The following ZNF573 variants were observed in gnomAD, a reference collection of about 807,000 sequenced individuals.
ZNF573 encodes the protein zinc finger protein 573.
Under a neutral mutation model 57.4 loss-of-function variants are expected in ZNF573, and 41 were observed. The ratio of observed to expected loss-of-function variants is 0.71; its 90% confidence interval spans 0.56 to 0.93. The LOEUF is 0.93. Among genes scored for constraint, ZNF573 ranks in the 40% least tolerant of loss-of-function variants. The pLI, the probability that ZNF573 is intolerant of heterozygous loss-of-function variation, is 0.00. For missense variants in ZNF573, 730 were observed against 794.8 expected (o/e 0.92, Z 0.98); for synonymous variants, 249 against 261.0 (o/e 0.95, Z 0.44).
At chr19:37,767,821 C>T (rs1276217571) in intron 4 of ZNF573, among the ~76,000 whole-genome samples, 1 of 151,902 alleles carries the variant, frequency 6.6e-6, no homozygotes, top group African/African-American at 2.4e-5. Context: ...GTTAAGAACA[C>T]AAAGAAAGAT....
chr19:37,772,175 C>T (rs1396128935), intron 2 of ZNF573, among the ~76,000 whole-genome samples: 1 of 152,060 alleles, frequency 6.6e-6, no homozygotes, highest in East Asian at 1.9e-4. Flanking sequence ...TCACTCCTGC[C>T]CAGGCTGGAG....
At chr19:37,766,314 T>A (rs2045601947) in intron 4 of ZNF573, among the ~76,000 whole-genome samples, 1 of 152,176 alleles carries the variant, frequency 6.6e-6, no homozygotes, top group African/African-American at 2.4e-5. Flanking sequence ...CACTCAGCCT[T>A]GAAACAGAGA....
At chr19:37,776,591 A>G (rs2145340134) in intron 1 of ZNF573, among the ~76,000 whole-genome samples, 2 of 152,344 alleles carry the variant, frequency 1.3e-5, no homozygotes, top group Middle Eastern at 3.4e-3. Flanking sequence ...GTTCATGACC[A>G]AGAACCCAAA....
At chr19:37,758,116 G>A (rs2045508156) in intron 4 of ZNF573, among the ~76,000 whole-genome samples, 2 of 148,586 alleles carry the variant, frequency 1.3e-5, no homozygotes, top group Non-Finnish European at 3.0e-5. Flanking sequence ...GAGTTAATGG[G>A]TGCAGCACAC....
chr19:37,762,441 A>T (rs962691034), intron 4 of ZNF573, among the ~76,000 whole-genome samples: 1 of 152,184 alleles, frequency 6.6e-6, no homozygotes, highest in African/African-American at 2.4e-5. Context: ...GCAAAGGGTT[A>T]ACAAAACATT....
At position 37,740,138 on chromosome 19, in the gene ZNF573, C is replaced by G. The variant is rs2045313176; in HGVS notation, c.352G>C (p.Asp118His). ...CTCTGAAGTTGTGTAGAGGATATAT[C>G]TGTTTCATAAGTGGGTACTTCTATG... Reference protein sequence around the residue: ...SYIEVPTYETDISSTQLQSIY... With the variant: ...SYIEVPTYETHISSTQLQSIY... The change falls in exon 5 of 5, where the codon GAT becomes CAT. Residue 118 changes from aspartate (D) to histidine (H), a missense_variant. Physicochemically the swap from Asp to His is moderately conservative, Grantham distance 81 (BLOSUM62 -1). Coordinates refer to ENST00000536220, the MANE Select transcript of ZNF573 (RefSeq NM_001172690.2). The G allele has an allele frequency of 6.2e-6, 10 of 1,610,270 alleles. No homozygotes were observed. The highest frequency in any genetic ancestry group is 7.6e-6 in the Non-Finnish European group (9 of 1,177,748).
At position 37,739,686 on chromosome 19, in the gene ZNF573, A is replaced by G; in HGVS notation, c.804T>C (p.His268=). 8 of 1,613,822 alleles carry G rather than the reference A, an allele frequency of 5.0e-6. No individual in the cohort carries two copies. Among genetic ancestry groups the G allele is most frequent in the Non-Finnish European group, 6.8e-6 (8 of 1,179,918 alleles). The change falls in exon 5 of 5, where the codon CAT becomes CAC. Residue 268 remains histidine, a synonymous_variant. Coordinates refer to ENST00000536220, the MANE Select transcript of ZNF573 (RefSeq NM_001172690.2). ...GGHLRIHQRV[H]TGEKPYKCKE... ...TACATTTATATGGTTTTTCGCCAGT[A>G]TGAACTCTCTGATGAATTCTAAGAT...
At chr19:37,757,147 T>C (rs766790578) in intron 4 of ZNF573, among the ~76,000 whole-genome samples, 1 of 151,968 alleles carries the variant, frequency 6.6e-6, no homozygotes, top group Non-Finnish European at 1.5e-5. Flanking sequence ...AGGCTCCAAG[T>C]ATCTCACCTC....
At chr19:37,759,420 A>G (rs2045529037) in intron 4 of ZNF573, among the ~76,000 whole-genome samples, 1 of 152,178 alleles carries the variant, frequency 6.6e-6, no homozygotes, top group East Asian at 1.9e-4. Context: ...TCATTTTTCA[A>G]ATTTCTTTTT....
intron 4 of ZNF573, among the ~76,000 whole-genome samples, chr19:37,748,715 T>C (rs2045405031): frequency 6.6e-6 from 1 of 151,998 alleles, no homozygotes; most frequent in Non-Finnish European, 1.5e-5. Flanking sequence ...GATCACAAGT[T>C]CAGGAATTCG....
At chr19:37,751,171 A>G (rs35656332) in intron 4 of ZNF573, among the ~76,000 whole-genome samples, 6,126 of 35,876 alleles carry the variant, frequency 0.17, 392 homozygotes, top group African/African-American at 0.31. Flanking sequence ...TAGACAGCAT[A>G]TATACTGTGT....
chr19:37,778,757 G>A (rs540083218), intron 1 of ZNF573, among the ~76,000 whole-genome samples: 4 of 152,176 alleles, frequency 2.6e-5, no homozygotes, highest in East Asian at 1.9e-4. Flanking sequence ...GAGTTATCAG[G>A]CCTTTCCTTG....
chr19:37,759,173 C>A, intron 4 of ZNF573: 1 of 603,330 alleles, frequency 1.7e-6, no homozygotes, highest in South Asian at 7.4e-5. Context: ...AATAACGAAT[C>A]ACACAATATA....
In ZNF573 at chr19:37,739,804, T is replaced by A; in HGVS notation, c.686A>T (p.Tyr229Phe). ...ECRQCGKAFI[Y>F]ASHIVQHERI... ...CTCATGTTGAACAATGTGTGAGGCA[T>A]ATATAAAGGCCTTCCCACACTGCCT... The change falls in exon 5 of 5, where the codon TAT becomes TTT. Residue 229 changes from tyrosine to phenylalanine, a missense_variant. Tyr to Phe is a conservative substitution (Grantham distance 22). Transcript: ENST00000536220. The A allele has an allele frequency of 1.2e-6, 2 of 1,613,762 alleles. No individual in the cohort carries two copies. Among genetic ancestry groups the A allele is most frequent in the Non-Finnish European group, 1.7e-6 (2 of 1,179,754 alleles).
intron 2 of ZNF573, among the ~76,000 whole-genome samples, chr19:37,772,257 T>G (rs2045665732): frequency 6.6e-6 from 1 of 151,888 alleles, no homozygotes; most frequent in Non-Finnish European, 1.5e-5. Flanking sequence ...TCTCAGCCTT[T>G]CAAGTAGTTG....
chr19:37,768,814 C>G (rs1185037747), intron 4 of ZNF573, among the ~76,000 whole-genome samples: 1 of 145,922 alleles, frequency 6.9e-6, no homozygotes, highest in Non-Finnish European at 1.5e-5. Flanking sequence ...TACAGGCGCC[C>G]GCCACTATGC....
chr19:37,747,108 A>G (rs948130809), intron 4 of ZNF573, among the ~76,000 whole-genome samples: 1 of 151,362 alleles, frequency 6.6e-6, no homozygotes, highest in African/African-American at 2.4e-5. Context: ...CAAAAGAAGT[A>G]ATGTAATATT....
At chr19:37,759,510 G>A (rs2045530062) in intron 4 of ZNF573, among the ~76,000 whole-genome samples, 1 of 152,046 alleles carries the variant, frequency 6.6e-6, no homozygotes, top group South Asian at 2.1e-4. Context: ...GGTGGATCAC[G>A]AGGTCAGGAG....
At chr19:37,750,072 A>G (rs1010833576) in intron 4 of ZNF573, among the ~76,000 whole-genome samples, 2 of 151,454 alleles carry the variant, frequency 1.3e-5, no homozygotes, top group African/African-American at 4.8e-5. Context: ...CACATCCAAC[A>G]TTATTTTTTT....
Sources: allele counts gnomAD v4.1 joint callset (sites outside exome capture counted in the v4.1 genomes callset), GRCh38; gene constraint gnomAD v4.1.1; transcripts MANE v1.5; gene names NCBI Gene and HGNC (gene_info 2026-07-23, HGNC 2026-07-21).